The following GATAD2B variants were observed in gnomAD, a reference collection of about 807,000 sequenced individuals.
GATAD2B encodes GATA zinc finger domain containing 2B, also known as transcriptional repressor p66-beta.
A neutral mutation model predicts 64.3 loss-of-function variants in GATAD2B; 8 were observed. The ratio of observed to expected loss-of-function variants is 0.12; its 90% CI spans 0.07 to 0.22. GATAD2B has a LOEUF of 0.22. GATAD2B is among the 10% of genes least tolerant of loss of function. GATAD2B has a pLI of 1.00. For synonymous variants in GATAD2B, 281 were observed against 271.3 expected, an observed-to-expected ratio of 1.04 and a Z score of -0.35; for missense variants, 453 against 752.0, an observed-to-expected ratio of 0.60 and a Z score of 4.65.
At chr1:153,850,312 C>T (rs1416974296) in intron 1 of GATAD2B, among the ~76,000 whole-genome samples, 2 of 151,860 alleles carry the variant, frequency 1.3e-5, no homozygotes, top group East Asian at 3.9e-4. Context: ...ATTATTTTTC[C>T]TTTTTAGGAC....
At chr1:153,834,598 C>G (rs775151796) in intron 1 of GATAD2B, among the ~76,000 whole-genome samples, 2 of 151,766 alleles carry the variant, frequency 1.3e-5, no homozygotes, top group Non-Finnish European at 2.9e-5. Flanking sequence ...CCATGTTGGT[C>G]AGGCTGGTCT....
intron 1 of GATAD2B, among the ~76,000 whole-genome samples, chr1:153,875,835 G>C (rs1676809342): frequency 6.6e-6 from 1 of 152,084 alleles, no homozygotes; most frequent in South Asian, 2.1e-4. Context: ...TTGCGCTAAA[G>C]TGCTTCACAA....
intron 10 of GATAD2B, 71 bp downstream of exon 10, chr1:153,811,660 G>T (rs139528967): frequency 1.1e-6 from 1 of 875,492 alleles, no homozygotes; most frequent in Non-Finnish European, 1.9e-6. Flanking sequence ...TCCCTTAAAG[G>T]GGCTGCTACA....
At chr1:153,842,960 T>G (rs962250289) in intron 1 of GATAD2B, among the ~76,000 whole-genome samples, 2 of 148,660 alleles carry the variant, frequency 1.3e-5, no homozygotes, top group African/African-American at 4.9e-5. Flanking sequence ...CAGCCTTTTT[T>G]TTTTTTTTTT....
At chr1:153,862,118 CTTTTT>C (rs754580519) in intron 1 of GATAD2B, among the ~76,000 whole-genome samples, 4 of 101,182 alleles carry the variant, frequency 4.0e-5, no homozygotes, top group African/African-American at 7.3e-5. Flanking sequence ...ACATTATATC[CTTTTT>C]TTTTTTTTTT....
At chr1:153,876,128 T>C (rs1242508580) in intron 1 of GATAD2B, among the ~76,000 whole-genome samples, 2 of 145,494 alleles carry the variant, frequency 1.4e-5, no homozygotes, top group Non-Finnish European at 1.5e-5. Context: ...CTCAGTAGGC[T>C]GAGGCAGGAG....
intron 2 of GATAD2B, among the ~76,000 whole-genome samples, chr1:153,825,768 T>C (rs1318918312): frequency 6.6e-6 from 1 of 152,124 alleles, no homozygotes; most frequent in African/African-American, 2.4e-5. Flanking sequence ...TTATGGAGCA[T>C]GGTTTTAAAA....
chr1:153,822,819 CTTT>C (rs1674730446), intron 2 of GATAD2B, among the ~76,000 whole-genome samples: 1 of 152,042 alleles, frequency 6.6e-6, no homozygotes, highest in African/African-American at 2.4e-5. Context: ...TTTATTTTTT[CTTT>C]TGTTTTTTGA....
chr1:153,889,435 A>AAAC (rs1491087086), intron 1 of GATAD2B, among the ~76,000 whole-genome samples: 6 of 148,294 alleles, frequency 4.0e-5, no homozygotes, highest in South Asian at 2.1e-4. Flanking sequence ...AAAAAAAAAA[A>AAAC]ACACACAAAA....
intron 1 of GATAD2B, among the ~76,000 whole-genome samples, chr1:153,896,742 A>G (rs1030871055): frequency 2.0e-5 from 3 of 151,796 alleles, no homozygotes; most frequent in Non-Finnish European, 4.4e-5. Context: ...AACCATGAAC[A>G]AGAAAATTTT....
At chr1:153,850,197 T>C (rs4612664) in intron 1 of GATAD2B, among the ~76,000 whole-genome samples, 42,039 of 152,102 alleles carry the variant, frequency 0.28, 6,291 homozygotes, top group Admixed American at 0.39. Context: ...CCCAAGGGTA[T>C]TATACAGGGT....
intron 1 of GATAD2B, among the ~76,000 whole-genome samples, chr1:153,837,668 G>A (rs1675322628): frequency 6.6e-6 from 1 of 151,972 alleles, no homozygotes; most frequent in South Asian, 2.1e-4. Flanking sequence ...TAGGGTGATC[G>A]GAAATGTTCT....
chr1:153,836,177 T>C (rs1315944027), intron 1 of GATAD2B, among the ~76,000 whole-genome samples: 1 of 151,658 alleles, frequency 6.6e-6, no homozygotes, highest in Non-Finnish European at 1.5e-5. Context: ...CAGTGGCTTG[T>C]GTGTGTAATC....
chr1:153,859,237 T>G (rs1262240180), intron 1 of GATAD2B, among the ~76,000 whole-genome samples: 2 of 149,500 alleles, frequency 1.3e-5, no homozygotes, highest in East Asian at 4.0e-4. Flanking sequence ...TGTGGTGGAG[T>G]GTGCCTGTTG....
chr1:153,880,196 C>T (rs1052651162), intron 1 of GATAD2B, among the ~76,000 whole-genome samples: 1 of 151,884 alleles, frequency 6.6e-6, no homozygotes, highest in Non-Finnish European at 1.5e-5. Context: ...AGCGCAGTGG[C>T]TCACGCCTGT....
At chr1:153,901,435 G>C (rs1226086181) in intron 1 of GATAD2B, among the ~76,000 whole-genome samples, 1 of 152,050 alleles carries the variant, frequency 6.6e-6, no homozygotes, top group Non-Finnish European at 1.5e-5. Context: ...TAGAGGGGAA[G>C]TGCATTAGAG....
At chr1:153,865,966 A>G (rs1676462220) in intron 1 of GATAD2B, among the ~76,000 whole-genome samples, 1 of 152,102 alleles carries the variant, frequency 6.6e-6, no homozygotes, top group Non-Finnish European at 1.5e-5. Flanking sequence ...TCACTTTGGG[A>G]GGCTGAGGCG....
chr1:153,855,028 T>C (rs1050578199), intron 1 of GATAD2B, among the ~76,000 whole-genome samples: 1 of 152,198 alleles, frequency 6.6e-6, no homozygotes, highest in Non-Finnish European at 1.5e-5. Context: ...AAATATAATG[T>C]ATAATCTTTG....
rs573671057 is a variant in GATAD2B at position 153,891,903 on chromosome 1, C to A, written c.-2+30830G>T. On this transcript the variant is annotated intron_variant, in intron 1 of 10. Transcript: ENST00000368655. Reference sequence around the variant, plus strand: ...TTATGGCCGGGTGCAGTGGCTCATGCCTGTAATCCTAGCACTTTGGGAGGC... The same window carrying A: ...TTATGGCCGGGTGCAGTGGCTCATGACTGTAATCCTAGCACTTTGGGAGGC... 7.9e-5 allele frequency among the ~76,000 whole-genome samples: 12 copies of A among 151,896 alleles called. No individual in the cohort carries two copies. The South Asian group carries it at 2.3e-3, about 29-fold the overall frequency.
Sources: gnomAD v4.1 joint callset for allele counts (sites outside exome capture counted in the v4.1 genomes callset) on GRCh38, gnomAD v4.1.1 for gene constraint, MANE v1.5 for transcripts, NCBI Gene and HGNC (gene_info 2026-07-23, HGNC 2026-07-21) for gene names.